Variants in SNX29 observed in about 807,000 individuals in gnomAD.
SNX29 encodes sorting nexin-29.
In SNX29, 78 loss-of-function variants were observed where a neutral mutation model predicts 102.1. The ratio of observed to expected loss-of-function variants is 0.76; its 90% CI spans 0.64 to 0.92. The LOEUF is 0.92. Ranked by LOEUF, SNX29 falls within the 40% of genes least tolerant of loss-of-function variation. The pLI is 0.00. For missense variants in SNX29, 1,280 were observed against 1,061.7 expected (o/e 1.21, Z -2.86); for synonymous variants, 580 against 414.5 (o/e 1.40, Z -4.85).
intron 19 of SNX29, among the ~76,000 whole-genome samples, chr16:12,513,517 C>T (rs1158012274): frequency 6.6e-6 from 1 of 152,086 alleles, no homozygotes; most frequent in South Asian, 2.1e-4. Flanking sequence ...TCATCTCTCC[C>T]CTCTTCTGTC....
intron 3 of SNX29, among the ~76,000 whole-genome samples, chr16:12,012,058 A>C (rs2056671649): frequency 6.6e-6 from 1 of 152,186 alleles, no homozygotes; most frequent in Non-Finnish European, 1.5e-5. Flanking sequence ...ATTTATTTAT[A>C]GAGTACTATG....
chr16:12,389,088 G>A (rs769410204), intron 16 of SNX29, among the ~76,000 whole-genome samples: 3 of 152,032 alleles, frequency 2.0e-5, no homozygotes, highest in Non-Finnish European at 4.4e-5. Flanking sequence ...GGATTGTAGC[G>A]TATCTTAGGA....
intron 15 of SNX29, 135 bp from the exon 16 acceptor site, chr16:12,356,028 G>C (rs1240805868): frequency 4.2e-6 from 3 of 707,462 alleles, no homozygotes; most frequent in East Asian, 5.6e-5. Flanking sequence ...CAGGTAAGCA[G>C]TGTCATTGAC....
At chr16:12,556,003 T>G (rs903342286) in intron 20 of SNX29, among the ~76,000 whole-genome samples, 1 of 152,222 alleles carries the variant, frequency 6.6e-6, no homozygotes, top group Non-Finnish European at 1.5e-5. Flanking sequence ...TTTTGTTCAC[T>G]TGTCCTGTGG....
chr16:12,551,748 T>G (rs1027884751), intron 20 of SNX29, among the ~76,000 whole-genome samples: 6 of 152,258 alleles, frequency 3.9e-5, no homozygotes, highest in African/African-American at 1.4e-4. Context: ...AAATACTTCC[T>G]GGCTGCCTTG....
At chr16:12,005,193 A>G (rs1225911827) in intron 3 of SNX29, among the ~76,000 whole-genome samples, 1 of 152,242 alleles carries the variant, frequency 6.6e-6, no homozygotes, top group Non-Finnish European at 1.5e-5. Context: ...TGTTTGTGGC[A>G]TTAGATCATT....
chr16:12,552,753 G>A (rs1265956491), intron 20 of SNX29, among the ~76,000 whole-genome samples: 1 of 152,226 alleles, frequency 6.6e-6, no homozygotes, highest in Admixed American at 6.5e-5. Flanking sequence ...AATCACTTCT[G>A]ATTTAAGGTA....
At chr16:12,147,037 T>A (rs1299045353) in intron 13 of SNX29, among the ~76,000 whole-genome samples, 2 of 152,196 alleles carry the variant, frequency 1.3e-5, no homozygotes, top group Admixed American at 1.3e-4. Flanking sequence ...CTCTAATGCT[T>A]CTAGAATCCA....
intron 4 of SNX29, among the ~76,000 whole-genome samples, chr16:12,039,838 G>A (rs894222737): frequency 1.3e-5 from 2 of 152,182 alleles, no homozygotes; most frequent in Admixed American, 6.6e-5. Flanking sequence ...TGGGCGAGTC[G>A]CTTCACTTGT....
At chr16:12,548,869 C>T (rs978426505) in intron 20 of SNX29, among the ~76,000 whole-genome samples, 1 of 152,192 alleles carries the variant, frequency 6.6e-6, no homozygotes, top group Admixed American at 6.5e-5. Context: ...AGCCAGGGCC[C>T]TTGGCCTGAA....
At chr16:12,512,658 C>G (rs1351069955) in intron 19 of SNX29, among the ~76,000 whole-genome samples, 1 of 151,942 alleles carries the variant, frequency 6.6e-6, no homozygotes, top group African/African-American at 2.4e-5. Flanking sequence ...GATGGATTCT[C>G]TCTACCATGG....
intron 16 of SNX29, among the ~76,000 whole-genome samples, chr16:12,388,826 A>G (rs957608716): frequency 6.6e-6 from 1 of 152,224 alleles, no homozygotes; most frequent in Non-Finnish European, 1.5e-5. Flanking sequence ...TGCCTGTAAC[A>G]CACTTGCACG....
chr16:12,224,027 C>G (rs955020025), intron 14 of SNX29, among the ~76,000 whole-genome samples: 5 of 152,208 alleles, frequency 3.3e-5, no homozygotes, highest in African/African-American at 1.2e-4. Context: ...CACTCCAGAG[C>G]CACGGCTTCT....
chr16:12,488,632 C>T (rs1230849331), intron 19 of SNX29, among the ~76,000 whole-genome samples: 1 of 152,140 alleles, frequency 6.6e-6, no homozygotes, highest in Non-Finnish European at 1.5e-5. Context: ...TTCCTTTCTC[C>T]CTCGTCCTAT....
At chr16:12,487,958 A>G (rs12929510) in intron 19 of SNX29, among the ~76,000 whole-genome samples, 1 of 152,152 alleles carries the variant, frequency 6.6e-6, no homozygotes, top group Non-Finnish European at 1.5e-5. Flanking sequence ...CTCTTAAGAT[A>G]TTTTCCAGGA....
chr16:12,547,019 C>T (rs1209270133), intron 20 of SNX29, among the ~76,000 whole-genome samples: 1 of 151,428 alleles, frequency 6.6e-6, no homozygotes, highest in African/African-American at 2.4e-5. Flanking sequence ...GATAGTTCAA[C>T]AGCAGATAAA....
intron 15 of SNX29, among the ~76,000 whole-genome samples, chr16:12,337,300 G>A (rs1008605211): frequency 7.9e-5 from 12 of 151,856 alleles, no homozygotes; most frequent in African/African-American, 9.7e-5. Flanking sequence ...AAATGGTAAC[G>A]GGAAATTATG....
Position 12,032,158 on chromosome 16 carries a change from C to T in SNX29, c.247+4714C>T, listed in dbSNP as rs535561181. 2.0e-5 allele frequency among the ~76,000 whole-genome samples: 3 copies of T among 150,670 alleles called. No homozygotes were observed. The South Asian group carries it at 6.3e-4, about 31-fold the overall frequency. ...TATTTAGCATAACATCTTCAAGGATCGTCCGTGTTGTAGTATGTGTCAGAA... is the reference window on the plus strand; with the variant it reads ...TATTTAGCATAACATCTTCAAGGATTGTCCGTGTTGTAGTATGTGTCAGAA... On this transcript the variant is annotated intron_variant, in intron 4 of 20. Coordinates refer to ENST00000566228, the MANE Select transcript of SNX29 (RefSeq NM_032167.5).
chr16:12,499,806 C>A (rs1219579177), intron 19 of SNX29, among the ~76,000 whole-genome samples: 7 of 152,172 alleles, frequency 4.6e-5, no homozygotes, highest in Admixed American at 4.6e-4. Context: ...CTCCTGAGTA[C>A]CTGGGGCCAC....
Sources: gnomAD v4.1 joint callset for allele counts (sites outside exome capture counted in the v4.1 genomes callset) on GRCh38, gnomAD v4.1.1 for gene constraint, MANE v1.5 for transcripts, NCBI Gene and HGNC (gene_info 2026-07-23, HGNC 2026-07-21) for gene names.